DLGAP2: variants seen among roughly 807,000 people sequenced by gnomAD.
DLGAP2 encodes the protein disks large-associated protein 2.
Under a neutral mutation model 100.3 loss-of-function variants are expected in DLGAP2, and 26 were observed. The observed-to-expected ratio is 0.26, with a 90% confidence interval of 0.19 to 0.36. The LOEUF (loss-of-function observed/expected upper bound fraction) is 0.36. DLGAP2 is among the 10% of genes least tolerant of loss of function. The pLI, the probability that DLGAP2 is intolerant of heterozygous loss-of-function variation, is 1.00. For missense variants in DLGAP2, 1,858 were observed against 1,453.2 expected (o/e 1.28, Z -4.53); for synonymous variants, 886 against 630.1 (o/e 1.41, Z -6.08).
intron 2 of DLGAP2, among the ~76,000 whole-genome samples, chr8:1,074,372 A>C (rs1251332031): frequency 4.6e-5 from 7 of 152,220 alleles, no homozygotes; most frequent in African/African-American, 1.7e-4. Flanking sequence ...TCACTGTCAC[A>C]GAAGGGTTTG....
intron 3 of DLGAP2, among the ~76,000 whole-genome samples, chr8:1,441,648 A>G (rs188327953): frequency 1.8e-3 from 259 of 147,230 alleles, no homozygotes; most frequent in African/African-American, 6.1e-3. Context: ...AGATCACACC[A>G]CTGCACTCCA....
At chr8:766,167 AAAAAAAC>A (rs1821211068) in intron 1 of DLGAP2, among the ~76,000 whole-genome samples, 1 of 152,184 alleles carries the variant, frequency 6.6e-6, no homozygotes, top group African/African-American at 2.4e-5. Flanking sequence ...ACTCTGTCTC[AAAAAAAC>A]AAAAAACAAG....
At chr8:1,267,492 G>A (rs547220620) in intron 3 of DLGAP2, among the ~76,000 whole-genome samples, 5 of 150,034 alleles carry the variant, frequency 3.3e-5, no homozygotes, top group Admixed American at 2.0e-4. Context: ...CCAGGAGGTG[G>A]AGGTTGCAGT....
chr8:1,617,535 GTGTC>G (rs1797195743), intron 6 of DLGAP2, among the ~76,000 whole-genome samples: 1 of 152,166 alleles, frequency 6.6e-6, no homozygotes, highest in Non-Finnish European at 1.5e-5. Flanking sequence ...CGTTTGAAAA[GTGTC>G]TGTTCATGTT....
chr8:799,085 T>G (rs891091605), intron 1 of DLGAP2, among the ~76,000 whole-genome samples: 1 of 152,224 alleles, frequency 6.6e-6, no homozygotes, highest in Non-Finnish European at 1.5e-5. Context: ...TCACTGCCTC[T>G]CACCCCACAT....
intron 3 of DLGAP2, chr8:1,299,956 C>T (rs1373876293): frequency 6.6e-6 from 1 of 152,230 alleles, no homozygotes; most frequent in Admixed American, 6.5e-5. Context: ...CGTGGGCAGA[C>T]CTGGCTCCTG....
At chr8:1,554,236 C>T (rs559691228) in intron 5 of DLGAP2, among the ~76,000 whole-genome samples, 105 of 152,192 alleles carry the variant, frequency 6.9e-4, no homozygotes, top group African/African-American at 2.5e-3. Context: ...TGCAGTGAGC[C>T]AAGATCACGC....
chr8:1,592,330 T>A (rs901997283), intron 6 of DLGAP2, among the ~76,000 whole-genome samples: 2 of 152,222 alleles, frequency 1.3e-5, no homozygotes, highest in African/African-American at 4.8e-5. Flanking sequence ...ATGAAAACTC[T>A]GAAAATCTTC....
intron 3 of DLGAP2, among the ~76,000 whole-genome samples, chr8:1,352,905 T>G (rs1283720990): frequency 1.3e-5 from 2 of 152,186 alleles, no homozygotes; most frequent in African/African-American, 4.8e-5. Context: ...GAATGGGGCC[T>G]CCGGTCTTCC....
intron 3 of DLGAP2, among the ~76,000 whole-genome samples, chr8:1,390,825 G>A (rs758762916): frequency 3.3e-5 from 5 of 152,166 alleles, no homozygotes; most frequent in South Asian, 2.1e-4. Context: ...AGCCCATAGC[G>A]AATGCAAACA....
chr8:1,327,819 G>A (rs1222886572), intron 3 of DLGAP2, among the ~76,000 whole-genome samples: 1 of 152,086 alleles, frequency 6.6e-6, no homozygotes, highest in East Asian at 1.9e-4. Flanking sequence ...ACTCCAGCCT[G>A]GGCAACAGAG....
intron 3 of DLGAP2, among the ~76,000 whole-genome samples, chr8:1,351,789 G>T (rs1194377085): frequency 1.2e-5 from 1 of 82,892 alleles, no homozygotes; most frequent in South Asian, 5.9e-4. Context: ...TCCTGACTGT[G>T]TGTGGAAAGG....
chr8:872,673 T>C (rs909329891), intron 1 of DLGAP2, among the ~76,000 whole-genome samples: 1 of 152,230 alleles, frequency 6.6e-6, no homozygotes, highest in African/African-American at 2.4e-5. Context: ...ATAATTCATA[T>C]ACCCCATACT....
At chr8:876,066 T>C (rs1209937887) in intron 1 of DLGAP2, among the ~76,000 whole-genome samples, 1 of 152,244 alleles carries the variant, frequency 6.6e-6, no homozygotes, top group Non-Finnish European at 1.5e-5. Context: ...CTCTTCGTGC[T>C]GTTATTGACA....
chr8:1,126,599 G>A (rs1339037582), intron 2 of DLGAP2, among the ~76,000 whole-genome samples: 1 of 152,120 alleles, frequency 6.6e-6, no homozygotes, highest in Non-Finnish European at 1.5e-5. Flanking sequence ...GAGGTGCTGT[G>A]CTGCTGAGGG....
At chr8:1,676,661 G>A (rs759119836) in intron 11 of DLGAP2, 43 bp downstream of exon 11, 2 of 1,572,068 alleles carry the variant, frequency 1.3e-6, no homozygotes, top group South Asian at 1.2e-5. Flanking sequence ...CCGAGCGAGG[G>A]CTCTTTGTCA....
At chr8:1,636,747 C>T (rs1456642246) in intron 8 of DLGAP2, among the ~76,000 whole-genome samples, 2 of 152,148 alleles carry the variant, frequency 1.3e-5, no homozygotes, top group Admixed American at 1.3e-4. Context: ...GACCTGGTAC[C>T]GTCGAGTTAC....
intron 2 of DLGAP2, among the ~76,000 whole-genome samples, chr8:1,174,465 T>TCATTAC (rs201461400): frequency 0.039 from 5,842 of 151,416 alleles, 423 homozygotes; most frequent in African/African-American, 0.14. Flanking sequence ...ATTATCGTCA[T>TCATTAC]CATTACCATT....
At chr8:863,942 C>T (rs2174097) in intron 1 of DLGAP2, among the ~76,000 whole-genome samples, 35,307 of 152,074 alleles carry the variant, frequency 0.23, 4,556 homozygotes, top group Non-Finnish European at 0.3. Context: ...AGCCCAGAAA[C>T]GGAATCAGCC....
Sources: allele counts gnomAD v4.1 joint callset (sites outside exome capture counted in the v4.1 genomes callset), GRCh38; gene constraint gnomAD v4.1.1; transcripts MANE v1.5; gene names NCBI Gene and HGNC (gene_info 2026-07-23, HGNC 2026-07-21).